The following LDB2 variants were observed in gnomAD, a reference collection of about 807,000 sequenced individuals.
The protein encoded by LDB2 is LIM domain binding 2.
A neutral mutation model predicts 44.3 loss-of-function variants in LDB2; 12 were observed. The ratio of observed to expected loss-of-function variants is 0.27; its 90% CI spans 0.17 to 0.44. The LOEUF (loss-of-function observed/expected upper bound fraction) is 0.44, where lower values mean the gene tolerates loss of function less well. LDB2 is among the 20% of genes least tolerant of loss of function. LDB2 has a pLI of 1.00. For missense variants in LDB2, 344 were observed against 473.5 expected (o/e 0.73, Z 2.54); for synonymous variants, 164 against 174.8 (o/e 0.94, Z 0.49).
intron 5 of LDB2, among the ~76,000 whole-genome samples, chr4:16,576,937 T>C (rs1711877500): frequency 6.6e-6 from 1 of 152,132 alleles, no homozygotes; most frequent in South Asian, 2.1e-4. Context: ...CGTATGCAAA[T>C]CAATCAATAT....
At chr4:16,827,905 C>G (rs1164068762) in intron 1 of LDB2, among the ~76,000 whole-genome samples, 1 of 152,154 alleles carries the variant, frequency 6.6e-6, no homozygotes, top group East Asian at 1.9e-4. Flanking sequence ...CTCTTATCTC[C>G]TAACGGCCAT....
intron 5 of LDB2, among the ~76,000 whole-genome samples, chr4:16,524,487 C>A (rs181016636): frequency 6.6e-6 from 1 of 152,038 alleles, no homozygotes; most frequent in Non-Finnish European, 1.5e-5. Context: ...CGTGTGAATG[C>A]AAGAGAACAG....
intron 2 of LDB2, among the ~76,000 whole-genome samples, chr4:16,724,872 C>T (rs1348526324): frequency 6.6e-6 from 1 of 152,164 alleles, no homozygotes; most frequent in Non-Finnish European, 1.5e-5. Flanking sequence ...TGCACATACA[C>T]ATTATTCTAG....
intron 2 of LDB2, among the ~76,000 whole-genome samples, chr4:16,602,951 A>G (rs1361177266): frequency 6.6e-6 from 1 of 152,194 alleles, no homozygotes; most frequent in Non-Finnish European, 1.5e-5. Flanking sequence ...AATGCAATAA[A>G]TATGTGAATT....
At chr4:16,720,946 C>A (rs1758139382) in intron 2 of LDB2, among the ~76,000 whole-genome samples, 1 of 152,118 alleles carries the variant, frequency 6.6e-6, no homozygotes, top group South Asian at 2.1e-4. Flanking sequence ...AGATGGAAAG[C>A]TCTCCATCTG....
intron 2 of LDB2, among the ~76,000 whole-genome samples, chr4:16,674,912 A>T (rs1200364299): frequency 6.6e-6 from 1 of 151,326 alleles, no homozygotes; most frequent in Non-Finnish European, 1.5e-5. Flanking sequence ...CTATTATACC[A>T]AAATATCTGC....
chr4:16,853,074 C>G (rs1018849176), intron 1 of LDB2, among the ~76,000 whole-genome samples: 8 of 152,140 alleles, frequency 5.3e-5, no homozygotes, highest in African/African-American at 1.9e-4. Context: ...TATAATTCTT[C>G]CTATTGAATA....
intron 1 of LDB2, among the ~76,000 whole-genome samples, chr4:16,765,560 T>C (rs1226997211): frequency 1.3e-5 from 2 of 152,310 alleles, no homozygotes; most frequent in South Asian, 2.1e-4. Flanking sequence ...TACTTAAGGA[T>C]AGGGAATGGA....
In LDB2 at chr4:16,772,680, C is replaced by T. The variant is rs533996632; in HGVS notation, c.133-13420G>A. Among the ~76,000 whole-genome samples, 5 of 152,242 alleles carry T rather than the reference C, an allele frequency of 3.3e-5. No individual in the cohort carries two copies. In the South Asian group the frequency reaches 1.0e-3, roughly 32 times the overall value. Reference sequence around the variant, plus strand: ...GACATAATCCAAAAATATGTAAATGCTTTATACGAAAAATTGCTCACCATA... The same window carrying T: ...GACATAATCCAAAAATATGTAAATGTTTTATACGAAAAATTGCTCACCATA... On this transcript the variant is annotated intron_variant, in intron 1 of 7. Transcript: ENST00000304523.
At chr4:16,765,995 A>G (rs1769117808) in intron 1 of LDB2, among the ~76,000 whole-genome samples, 1 of 152,222 alleles carries the variant, frequency 6.6e-6, no homozygotes, top group Middle Eastern at 3.2e-3. Context: ...TACTTTATTA[A>G]TTTTAAAAAT....
chr4:16,851,256 G>A (rs888238447), intron 1 of LDB2, among the ~76,000 whole-genome samples: 3 of 152,000 alleles, frequency 2.0e-5, no homozygotes, highest in Non-Finnish European at 4.4e-5. Context: ...GCTCTCACAA[G>A]CAGGTACGAG....
At chr4:16,633,124 C>T (rs1732491783) in intron 2 of LDB2, among the ~76,000 whole-genome samples, 1 of 152,142 alleles carries the variant, frequency 6.6e-6, no homozygotes. Context: ...AGGATGAGTT[C>T]ATGTCCTTTG....
intron 2 of LDB2, among the ~76,000 whole-genome samples, chr4:16,612,642 G>C (rs1031688174): frequency 6.6e-6 from 1 of 152,086 alleles, no homozygotes; most frequent in African/African-American, 2.4e-5. Context: ...ACCCTACCAA[G>C]ACTAAACCAG....
chr4:16,738,275 C>A (rs1436417944), intron 2 of LDB2, among the ~76,000 whole-genome samples: 1 of 152,152 alleles, frequency 6.6e-6, no homozygotes, highest in Non-Finnish European at 1.5e-5. Context: ...TACACCGCTG[C>A]TCCTCACCCA....
intron 2 of LDB2, among the ~76,000 whole-genome samples, chr4:16,664,668 T>C (rs1459588550): frequency 1.3e-5 from 2 of 152,242 alleles, no homozygotes; most frequent in Non-Finnish European, 2.9e-5. Flanking sequence ...CCTATTTAAG[T>C]TTACATTCCT....
At chr4:16,731,987 A>G (rs1760863488) in intron 2 of LDB2, among the ~76,000 whole-genome samples, 1 of 152,242 alleles carries the variant, frequency 6.6e-6, no homozygotes, top group Non-Finnish European at 1.5e-5. Context: ...AGAATGTCCC[A>G]ACAGGAATTC....
At chr4:16,770,570 C>A (rs972071999) in intron 1 of LDB2, among the ~76,000 whole-genome samples, 4 of 152,060 alleles carry the variant, frequency 2.6e-5, no homozygotes, top group Admixed American at 1.3e-4. Context: ...AGGCCCCAAG[C>A]GGTTAAGAAA....
chr4:16,523,113 G>A (rs1285794767), intron 5 of LDB2, among the ~76,000 whole-genome samples: 3 of 152,170 alleles, frequency 2.0e-5, no homozygotes, highest in African/African-American at 7.2e-5. Context: ...AATGGGGTAT[G>A]TATATGTACG....
intron 2 of LDB2, among the ~76,000 whole-genome samples, chr4:16,739,735 TATACATAC>T (rs202064480): frequency 0.02 from 2,250 of 112,250 alleles, 368 homozygotes; most frequent in East Asian, 0.14. Context: ...TATATGTGTA[TATACATAC>T]ATATACATAT....
Sources: gnomAD v4.1 joint callset for allele counts (sites outside exome capture counted in the v4.1 genomes callset) on GRCh38, gnomAD v4.1.1 for gene constraint, MANE v1.5 for transcripts, NCBI Gene and HGNC (gene_info 2026-07-23, HGNC 2026-07-21) for gene names.